NFIB: variants seen among roughly 807,000 people sequenced by gnomAD.
NFIB encodes nuclear factor 1 B-type.
Under a neutral mutation model 61.5 loss-of-function variants are expected in NFIB, and 11 were observed. The observed-to-expected ratio is 0.18, with a 90% CI of 0.11 to 0.30. The LOEUF (loss-of-function observed/expected upper bound fraction) is 0.30. Among genes scored for constraint, NFIB ranks in the 10% least tolerant of loss-of-function variants. The probability of loss-of-function intolerance (pLI) is 1.00; values close to 1 mark genes in which losing one functional copy is unlikely to be tolerated. For synonymous variants in NFIB, 260 were observed against 216.5 expected (o/e 1.20, Z -1.76); for missense variants, 471 against 608.9 (o/e 0.77, Z 2.38).
intron 1 of NFIB, among the ~76,000 whole-genome samples, chr9:14,344,544 A>T (rs1405093323): frequency 6.6e-6 from 1 of 152,126 alleles, no homozygotes; most frequent in African/African-American, 2.4e-5. Context: ...TCTTAAAGGG[A>T]CAGAATAAGC....
chr9:14,211,786 A>G (rs2050331478), intron 2 of NFIB, among the ~76,000 whole-genome samples: 1 of 152,246 alleles, frequency 6.6e-6, no homozygotes, highest in African/African-American at 2.4e-5. Context: ...AGAGTTGAAC[A>G]GTATAGCATA....
At chr9:14,442,492 C>T in the NFIB span, among the ~76,000 whole-genome samples, 51,453 of 151,992 alleles carry the variant, frequency 0.34, 9,872 homozygotes, top group Admixed American at 0.48. Flanking sequence ...GCTTCAACAG[C>T]AGAGACCGAT....
chr9:14,267,251 A>G (rs2057277909), intron 2 of NFIB, among the ~76,000 whole-genome samples: 1 of 152,236 alleles, frequency 6.6e-6, no homozygotes, highest in African/African-American at 2.4e-5. Flanking sequence ...TCTTTTACAT[A>G]TAAAATATTT....
At chr9:14,460,078 T>G in the NFIB span, among the ~76,000 whole-genome samples, 21 of 152,172 alleles carry the variant, frequency 1.4e-4, no homozygotes, top group Non-Finnish European at 2.8e-4. Context: ...CGTATGTTTA[T>G]TGCAGCACTA....
At chr9:14,169,641 C>T (rs1259602862) in intron 3 of NFIB, among the ~76,000 whole-genome samples, 3 of 152,116 alleles carry the variant, frequency 2.0e-5, no homozygotes, top group Non-Finnish European at 4.4e-5. Context: ...GCCAACATGG[C>T]GAAACCCCAC....
chr9:14,440,866 C>CT, the NFIB span, among the ~76,000 whole-genome samples: 3 of 152,180 alleles, frequency 2.0e-5, no homozygotes, highest in East Asian at 5.8e-4. Context: ...TAAACCTGCT[C>CT]TTTTTCTACT....
intron 1 of NFIB, among the ~76,000 whole-genome samples, chr9:14,383,768 C>G (rs886975899): frequency 2.0e-5 from 3 of 152,220 alleles, no homozygotes; most frequent in East Asian, 1.9e-4. Context: ...CATCTCTTCT[C>G]TGGCCACCTT....
chr9:14,166,956 C>T (rs2044872037), intron 3 of NFIB, among the ~76,000 whole-genome samples: 1 of 151,922 alleles, frequency 6.6e-6, no homozygotes, highest in African/African-American at 2.4e-5. Context: ...TCTGGGTAAA[C>T]ATTTTCTCTG....
At chr9:14,116,475 G>A (rs977011612) in intron 8 of NFIB, 129 bp from the exon 9 acceptor site, 10 of 899,966 alleles carry the variant, frequency 1.1e-5, no homozygotes, top group East Asian at 6.5e-5. Context: ...AGGCCCTCTC[G>A]AGTCGGAGTC....
At chr9:14,183,267 C>G (rs145802796) in intron 2 of NFIB, among the ~76,000 whole-genome samples, 1 of 152,158 alleles carries the variant, frequency 6.6e-6, no homozygotes, top group African/African-American at 2.4e-5. Context: ...AGGCTCTTAG[C>G]AGCTGTCATG....
At chr9:14,441,205 T>C in the NFIB span, among the ~76,000 whole-genome samples, 2 of 147,308 alleles carry the variant, frequency 1.4e-5, no homozygotes. Context: ...TAATTGAATG[T>C]AGGATAAACT....
intron 2 of NFIB, among the ~76,000 whole-genome samples, chr9:14,185,987 A>G (rs532084299): frequency 5.0e-4 from 76 of 152,308 alleles, no homozygotes; most frequent in Non-Finnish European, 7.6e-4. Flanking sequence ...AGTTTTAATG[A>G]CCTTTATAGA....
chr9:14,120,374 G>T lies in NFIB; in HGVS notation c.1245+66C>A. Reference sequence around the variant, plus strand: ...CAGACACACTGTCTGACTAACCTTTGTGTCTCAGAATTAGATCTGTCCCAT... The same window carrying T: ...CAGACACACTGTCTGACTAACCTTTTTGTCTCAGAATTAGATCTGTCCCAT... On this transcript the variant is annotated intron_variant, in intron 8 of 10. Coordinates refer to ENST00000380953, the MANE Select transcript of NFIB (RefSeq NM_001190737.2). This position sits in a 1 kb window ranked among gnomAD's most constrained non-coding sequence, Gnocchi z 4.4. 6.5e-7 allele frequency: 1 copy of T among 1,527,330 alleles called. No homozygotes were observed. Among genetic ancestry groups the T allele is most frequent in the Middle Eastern group, 2.1e-4 (1 of 4,822 alleles). The allele number at this position is 1,527,330 out of a possible 1,614,324, so 94.6% of individuals were successfully genotyped here. A position where few individuals can be genotyped will look rare whatever the true frequency, so the allele number is the denominator to read the frequency against.
At chr9:14,311,095 C>T (rs893722556) in intron 1 of NFIB, among the ~76,000 whole-genome samples, 2 of 151,884 alleles carry the variant, frequency 1.3e-5, no homozygotes, top group African/African-American at 4.8e-5. Context: ...CTTAATTTTT[C>T]CTTTATATCT....
chr9:14,499,250 A>C, the NFIB span, among the ~76,000 whole-genome samples: 7 of 152,150 alleles, frequency 4.6e-5, no homozygotes, highest in Non-Finnish European at 1.0e-4. Flanking sequence ...TGCAAGGAGA[A>C]ATTCTGATGT....
At chr9:14,112,914 C>G in intron 10 of NFIB, 85 bp downstream of exon 10, 1 of 1,328,130 alleles carries the variant, frequency 7.5e-7, no homozygotes, top group Non-Finnish European at 1.0e-6. Flanking sequence ...GAGCCCCCTT[C>G]TGAGTCCGGA....
At chr9:14,486,024 C>G in the NFIB span, among the ~76,000 whole-genome samples, 1 of 152,092 alleles carries the variant, frequency 6.6e-6, no homozygotes, top group African/African-American at 2.4e-5. Flanking sequence ...TAGAGTCTTA[C>G]GGACACACAC....
chr9:14,294,489 A>C (rs555620570), intron 2 of NFIB, among the ~76,000 whole-genome samples: 1 of 152,354 alleles, frequency 6.6e-6, no homozygotes, highest in East Asian at 1.9e-4. Context: ...CCCAGTTTAC[A>C]TATGTTTAAA....
chr9:14,113,321 G>T (rs2037662793), intron 9 of NFIB, among the ~76,000 whole-genome samples: 1 of 152,158 alleles, frequency 6.6e-6, no homozygotes, highest in Admixed American at 6.5e-5. Context: ...TCATACTTCA[G>T]TGTGGGTGTC....
Sources: gnomAD v4.1 joint callset for allele counts (sites outside exome capture counted in the v4.1 genomes callset) on GRCh38, gnomAD v4.1.1 for gene constraint, Gnocchi (gnomAD v3.1) non-coding constraint, MANE v1.5 for transcripts, NCBI Gene and HGNC (gene_info 2026-07-23, HGNC 2026-07-21) for gene names.